SPAG16: variants seen among roughly 807,000 people sequenced by gnomAD.
The protein encoded by SPAG16 is sperm associated antigen 16, also known as sperm-associated antigen 16 protein.
In SPAG16, 86 loss-of-function variants were observed where a neutral mutation model predicts 80.4. The ratio of observed to expected loss-of-function variants is 1.07; its 90% CI spans 0.90 to 1.28. The LOEUF (loss-of-function observed/expected upper bound fraction) is 1.28. SPAG16 is among the 50% of genes most tolerant of loss of function. The pLI, the probability that SPAG16 is intolerant of heterozygous loss-of-function variation, is 0.00. For missense variants in SPAG16, 870 were observed against 765.3 expected, an observed-to-expected ratio of 1.14 and a Z score of -1.61; for synonymous variants, 294 against 265.9, an observed-to-expected ratio of 1.11 and a Z score of -1.03.
chr2:213,546,749 C>T (rs999127251), intron 10 of SPAG16, among the ~76,000 whole-genome samples: 2 of 152,040 alleles, frequency 1.3e-5, no homozygotes, highest in African/African-American at 2.4e-5. Context: ...ACACAAGGAC[C>T]AAATGAATCA....
Position 213,340,192 on chromosome 2 carries a change from A to G in SPAG16, c.566A>G (p.Gln189Arg), listed in dbSNP as rs1261953412. 1 of 1,611,252 alleles carries G rather than the reference A, an allele frequency of 6.2e-7. No individual in the cohort carries two copies. Among genetic ancestry groups the G allele is most frequent in the Non-Finnish European group, 8.5e-7 (1 of 1,178,996 alleles). ...DKAREDLLKIQKERDFHRMHH... is the reference protein window; with the variant it reads ...DKAREDLLKIRKERDFHRMHH... Reference sequence around the variant, plus strand: ...GCTAGAGAAGATTTGCTGAAAATTCAGAAAGAACGTGATTTTCATCGAATG... The same window carrying G: ...GCTAGAGAAGATTTGCTGAAAATTCGGAAAGAACGTGATTTTCATCGAATG... The change falls in exon 6 of 16, where the codon CAG (glutamine) becomes CGG (arginine). Residue 189 changes from glutamine (Q) to arginine (R), a missense_variant. Physicochemically the swap from Gln to Arg is conservative, Grantham distance 43. Transcript: ENST00000331683.
chr2:214,065,141 A>T (rs1052780593), intron 13 of SPAG16, among the ~76,000 whole-genome samples: 2 of 152,078 alleles, frequency 1.3e-5, no homozygotes, highest in African/African-American at 4.8e-5. Context: ...TAACTTATCT[A>T]TGTCCACAGA....
chr2:214,196,194 C>T (rs997306530), intron 15 of SPAG16, among the ~76,000 whole-genome samples: 35 of 151,988 alleles, frequency 2.3e-4, no homozygotes, highest in African/African-American at 8.4e-4. Flanking sequence ...AGAAACCATG[C>T]CAGAGAGACA....
At chr2:213,697,181 T>TC (rs1446555441) in intron 10 of SPAG16, among the ~76,000 whole-genome samples, 1 of 152,138 alleles carries the variant, frequency 6.6e-6, no homozygotes, top group African/African-American at 2.4e-5. Flanking sequence ...CTAGATTGAA[T>TC]CTATTTAACA....
At chr2:214,166,084 A>G (rs776441390) in intron 15 of SPAG16, among the ~76,000 whole-genome samples, 14 of 152,198 alleles carry the variant, frequency 9.2e-5, no homozygotes, top group Admixed American at 2.0e-4. Flanking sequence ...CCATGTGACT[A>G]TTAAAATGTC....
At chr2:213,824,999 C>T (rs2073184417) in intron 10 of SPAG16, among the ~76,000 whole-genome samples, 2 of 151,502 alleles carry the variant, frequency 1.3e-5, no homozygotes, top group South Asian at 2.1e-4. Flanking sequence ...AATGAGATTA[C>T]TTTCTTGATT....
intron 15 of SPAG16, among the ~76,000 whole-genome samples, chr2:214,391,943 G>A (rs1421510480): frequency 6.6e-6 from 1 of 152,158 alleles, no homozygotes; most frequent in Non-Finnish European, 1.5e-5. Context: ...CCTGGACTCA[G>A]GAATACAAGG....
At chr2:213,984,999 T>C (rs1349163572) in intron 12 of SPAG16, among the ~76,000 whole-genome samples, 1 of 152,140 alleles carries the variant, frequency 6.6e-6, no homozygotes. Context: ...TTTTATTTAT[T>C]GAACTTTGGT....
chr2:213,865,901 AC>A (rs1470287105), intron 11 of SPAG16, among the ~76,000 whole-genome samples: 2 of 147,662 alleles, frequency 1.4e-5, no homozygotes, highest in African/African-American at 4.9e-5. Flanking sequence ...AGGAGATAGT[AC>A]TATATACACA....
At chr2:213,851,623 T>C (rs564362756) in intron 10 of SPAG16, among the ~76,000 whole-genome samples, 14 of 152,344 alleles carry the variant, frequency 9.2e-5, no homozygotes, top group African/African-American at 3.4e-4. Context: ...ATAAGGCCTT[T>C]CCCTGCATTT....
intron 10 of SPAG16, among the ~76,000 whole-genome samples, chr2:213,693,344 G>A (rs566795504): frequency 6.6e-6 from 1 of 152,284 alleles, no homozygotes; most frequent in Non-Finnish European, 1.5e-5. Context: ...GAGCAAAGGC[G>A]AACATTTAGC....
chr2:213,680,121 T>C (rs996231352), intron 10 of SPAG16, among the ~76,000 whole-genome samples: 5 of 152,256 alleles, frequency 3.3e-5, no homozygotes, highest in Middle Eastern at 3.4e-3. Context: ...AGAGGCTTCA[T>C]AGTGTCAAGA....
chr2:213,874,288 C>T (rs1208226890), intron 11 of SPAG16, among the ~76,000 whole-genome samples: 3 of 152,068 alleles, frequency 2.0e-5, no homozygotes, highest in African/African-American at 7.2e-5. Flanking sequence ...CTTACGTAAC[C>T]TTTTACTTTA....
At chr2:214,384,503 G>A (rs1700639010) in intron 15 of SPAG16, among the ~76,000 whole-genome samples, 1 of 152,162 alleles carries the variant, frequency 6.6e-6, no homozygotes, top group Non-Finnish European at 1.5e-5. Flanking sequence ...TTTCATACAA[G>A]GGAGGAAGGT....
chr2:214,208,925 C>T (rs1407278350), intron 15 of SPAG16, among the ~76,000 whole-genome samples: 1 of 152,116 alleles, frequency 6.6e-6, no homozygotes. Context: ...AGTAAACTTT[C>T]AGTAGTTAAT....
intron 13 of SPAG16, among the ~76,000 whole-genome samples, chr2:214,042,309 C>T (rs896658355): frequency 4.0e-5 from 6 of 151,588 alleles, no homozygotes; most frequent in East Asian, 1.9e-4. Context: ...AAACTTGACC[C>T]GGATATATAT....
chr2:214,320,376 C>G (rs1696011105), intron 15 of SPAG16, among the ~76,000 whole-genome samples: 1 of 152,202 alleles, frequency 6.6e-6, no homozygotes, highest in South Asian at 2.1e-4. Context: ...TCTAGCCTTT[C>G]TTCACATAGC....
intron 15 of SPAG16, among the ~76,000 whole-genome samples, chr2:214,218,274 G>T (rs530974870): frequency 2.0e-5 from 3 of 152,092 alleles, no homozygotes; most frequent in Non-Finnish European, 4.4e-5. Context: ...CGGCCTCGAG[G>T]TCCCCTTAAA....
At chr2:213,285,229 C>G (rs1024877067) in intron 1 of SPAG16, among the ~76,000 whole-genome samples, 2 of 151,988 alleles carry the variant, frequency 1.3e-5, no homozygotes, top group Non-Finnish European at 2.9e-5. Flanking sequence ...AAATAATGAT[C>G]TGGTGAGCTA....
Sources: allele counts gnomAD v4.1 joint callset (sites outside exome capture counted in the v4.1 genomes callset), GRCh38; gene constraint gnomAD v4.1.1; transcripts MANE v1.5; gene names NCBI Gene and HGNC (gene_info 2026-07-23, HGNC 2026-07-21).